Variants in SDK1 observed in about 807,000 individuals in gnomAD.
SDK1 encodes sidekick cell adhesion molecule 1.
In SDK1, 157 loss-of-function variants were observed where a neutral mutation model predicts 245.5. The observed-to-expected ratio is 0.64, with a 90% confidence interval of 0.56 to 0.73. The LOEUF (loss-of-function observed/expected upper bound fraction) is 0.73. Ranked by LOEUF, SDK1 falls within the 30% of genes least tolerant of loss-of-function variation. The pLI is 0.00. For missense variants in SDK1, 3,583 were observed against 3,002.3 expected (o/e 1.19, Z -4.52); for synonymous variants, 1,647 against 1,278.5 (o/e 1.29, Z -6.15).
intron 1 of SDK1, among the ~76,000 whole-genome samples, chr7:3,424,672 G>T (rs909937208): frequency 6.6e-6 from 1 of 152,154 alleles, no homozygotes; most frequent in Non-Finnish European, 1.5e-5. Context: ...AGAGGTAGGA[G>T]GATCGCTTGA....
chr7:3,891,012 C>G (rs1239132096), intron 5 of SDK1, among the ~76,000 whole-genome samples: 2 of 152,202 alleles, frequency 1.3e-5, no homozygotes, highest in Non-Finnish European at 2.9e-5. Flanking sequence ...CTAACCTTAG[C>G]TGGGCTCTAT....
At chr7:3,590,624 A>G (rs1780837205) in intron 1 of SDK1, among the ~76,000 whole-genome samples, 1 of 152,188 alleles carries the variant, frequency 6.6e-6, no homozygotes, top group Non-Finnish European at 1.5e-5. Flanking sequence ...TGCAAATTTC[A>G]AATAACTGTA....
At chr7:4,060,799 A>G (rs1779489476) in intron 19 of SDK1, among the ~76,000 whole-genome samples, 1 of 152,130 alleles carries the variant, frequency 6.6e-6, no homozygotes, top group Non-Finnish European at 1.5e-5. Flanking sequence ...TCTTTAATCC[A>G]TCTTGAATTG....
At chr7:3,702,020 G>T (rs570196944) in intron 4 of SDK1, among the ~76,000 whole-genome samples, 1 of 150,810 alleles carries the variant, frequency 6.6e-6, no homozygotes, top group Non-Finnish European at 1.5e-5. Context: ...GTTGGATTAA[G>T]TGTGAAATGT....
chr7:4,003,021 C>A (rs1010125350), intron 14 of SDK1, among the ~76,000 whole-genome samples: 4 of 152,196 alleles, frequency 2.6e-5, no homozygotes, highest in African/African-American at 7.2e-5. Flanking sequence ...GGCATCAGGC[C>A]CCCCAACACT....
chr7:3,322,124 G>A (rs771315196), intron 1 of SDK1, among the ~76,000 whole-genome samples: 1 of 151,472 alleles, frequency 6.6e-6, no homozygotes, highest in Non-Finnish European at 1.5e-5. Context: ...CTCTAGTTCC[G>A]GGACAGTTTC....
rs75619387 is a variant in SDK1, at chr7:3,356,513, T to C, written c.298+54629T>C. On this transcript the variant is annotated intron_variant, in intron 1 of 44. Transcript: ENST00000404826. ...TTTGGATGATCTAAGACCTCCTCCT[T>C]TATTTTTGCTTACCATTGGATTTTA... 4.7e-3 allele frequency among the ~76,000 whole-genome samples: 714 copies of C among 152,254 alleles called. 8 individuals are homozygous for C. The highest frequency in any genetic ancestry group is 0.016 in the African/African-American group (670 of 41,528).
At chr7:3,717,575 A>G (rs1785239753) in intron 4 of SDK1, among the ~76,000 whole-genome samples, 1 of 152,244 alleles carries the variant, frequency 6.6e-6, no homozygotes, top group Non-Finnish European at 1.5e-5. Flanking sequence ...CTAATGTTGT[A>G]AATGAAATGA....
At chr7:4,212,094 C>A (rs1486900460) in intron 38 of SDK1, among the ~76,000 whole-genome samples, 1 of 152,150 alleles carries the variant, frequency 6.6e-6, no homozygotes. Context: ...CACAGACAGA[C>A]TGTAAAAATT....
intron 40 of SDK1, among the ~76,000 whole-genome samples, chr7:4,223,086 A>C (rs1024320894): frequency 6.6e-6 from 1 of 151,972 alleles, no homozygotes; most frequent in Non-Finnish European, 1.5e-5. Flanking sequence ...CCGTCTCAAA[A>C]AAAAAAAAAA....
chr7:3,580,985 A>AAAAAAAC (rs1780465573), intron 1 of SDK1, among the ~76,000 whole-genome samples: 1 of 139,608 alleles, frequency 7.2e-6, no homozygotes, highest in African/African-American at 2.7e-5. Context: ...AAAAAAAAAA[A>AAAAAAAC]AAAAAAAAAC....
At chr7:4,233,175 C>T (rs566324517) in intron 40 of SDK1, 80 bp from the exon 41 acceptor site, 17 of 1,409,344 alleles carry the variant, frequency 1.2e-5, no homozygotes, top group Non-Finnish European at 1.7e-5. Flanking sequence ...GCAAGCCGAC[C>T]CACCAGGCAG....
At chr7:3,779,466 A>C (rs985948159) in intron 4 of SDK1, among the ~76,000 whole-genome samples, 2 of 152,000 alleles carry the variant, frequency 1.3e-5, no homozygotes, top group Admixed American at 1.3e-4. Context: ...TTTTAAAAAA[A>C]AAAAACAAGG....
At chr7:3,668,769 T>G (rs1327464846) in intron 4 of SDK1, among the ~76,000 whole-genome samples, 3 of 152,166 alleles carry the variant, frequency 2.0e-5, no homozygotes, top group African/African-American at 7.2e-5. Context: ...CCAGCCTGAG[T>G]GATAGAGTGA....
intron 1 of SDK1, among the ~76,000 whole-genome samples, chr7:3,549,121 A>G (rs1396291152): frequency 6.6e-6 from 1 of 152,228 alleles, no homozygotes; most frequent in African/African-American, 2.4e-5. Context: ...CAAACTGCGT[A>G]AAAAATGAGC....
chr7:3,789,227 A>AACCTCC (rs1380148317), intron 4 of SDK1, among the ~76,000 whole-genome samples: 1 of 152,024 alleles, frequency 6.6e-6, no homozygotes, highest in East Asian at 1.9e-4. Context: ...AGCTCACCGC[A>AACCTCC]ACCTCCACCT....
chr7:3,577,843 C>A (rs779118181), intron 1 of SDK1, among the ~76,000 whole-genome samples: 1 of 152,006 alleles, frequency 6.6e-6, no homozygotes, highest in African/African-American at 2.4e-5. Flanking sequence ...TCCTCATCTC[C>A]TGCATTGCCT....
chr7:3,508,874 G>A (rs1026320340), intron 1 of SDK1, among the ~76,000 whole-genome samples: 3 of 152,168 alleles, frequency 2.0e-5, no homozygotes, highest in African/African-American at 7.2e-5. Context: ...ATAAATGAAG[G>A]AATGAATGAT....
chr7:4,182,774 A>T (rs1782671766), intron 35 of SDK1, among the ~76,000 whole-genome samples: 1 of 152,148 alleles, frequency 6.6e-6, no homozygotes, highest in African/African-American at 2.4e-5. Context: ...AGAGCTGGTG[A>T]GGGTGCACAG....
Sources: allele counts gnomAD v4.1 joint callset (sites outside exome capture counted in the v4.1 genomes callset), GRCh38; gene constraint gnomAD v4.1.1; transcripts MANE v1.5; gene names NCBI Gene and HGNC (gene_info 2026-07-23, HGNC 2026-07-21).